The following POLA1 variants were observed in gnomAD, a reference collection of about 807,000 sequenced individuals.
POLA1 encodes the protein DNA polymerase alpha 1, catalytic subunit, also known as DNA polymerase alpha catalytic subunit.
A neutral mutation model predicts 124.0 loss-of-function variants in POLA1; 15 were observed. That is an observed-to-expected ratio of 0.12 (90% CI 0.08 to 0.19). POLA1 has a LOEUF of 0.19. POLA1 is among the 10% of genes least tolerant of loss of function. POLA1 has a pLI of 1.00. For synonymous variants in POLA1, 408 were observed against 389.4 expected, an observed-to-expected ratio of 1.05 and a Z score of -0.56; for missense variants, 886 against 1,103.4, an observed-to-expected ratio of 0.80 and a Z score of 2.79.
intron 30 of POLA1, among the ~76,000 whole-genome samples, chrX:24,816,917 A>G (rs1477886395): frequency 8.9e-6 from 1 of 112,330 alleles, no homozygotes; most frequent in Non-Finnish European, 1.9e-5. Context: ...TTAAGTTTTT[A>G]TTATTGAAAT....
At chrX:24,988,327 T>A (rs936067689) in intron 36 of POLA1, among the ~76,000 whole-genome samples, 11 of 112,525 alleles carry the variant, frequency 9.8e-5, no homozygotes, top group Non-Finnish European at 2.1e-4. Context: ...GGCACTCTAA[T>A]CCGTCAGCCT....
chrX:24,754,479 C>T (rs1000146426), intron 26 of POLA1, among the ~76,000 whole-genome samples: 22 of 111,209 alleles, frequency 2.0e-4, no homozygotes, highest in African/African-American at 6.6e-4. Flanking sequence ...GTCTTGAACT[C>T]CTGACCTCAG....
At chrX:24,948,951 A>G (rs2047999911) in intron 36 of POLA1, among the ~76,000 whole-genome samples, 1 of 112,288 alleles carries the variant, frequency 8.9e-6, no homozygotes. Context: ...GCAAGAAGGA[A>G]TAATATCATT....
intron 11 of POLA1, 35 bp downstream of exon 11, chrX:24,723,302 G>A (rs374180780): frequency 4.7e-5 from 41 of 875,633 alleles, no homozygotes; most frequent in Admixed American, 3.8e-4. Flanking sequence ...GTTCTCAGTC[G>A]TTGTATCTGC....
chrX:24,916,287 C>CTTTTTTTTTTTTTTT (rs1301083848), intron 35 of POLA1, among the ~76,000 whole-genome samples: 4 of 95,162 alleles, frequency 4.2e-5, no homozygotes, highest in African/African-American at 1.6e-4. Flanking sequence ...TTTCTTTTTT[C>CTTTTTTTTTTTTTTT]TTTTTTTTTT....
chrX:24,789,363 A>G (rs1364239093), intron 26 of POLA1, among the ~76,000 whole-genome samples: 1 of 112,070 alleles, frequency 8.9e-6, no homozygotes, highest in Non-Finnish European at 1.9e-5. Flanking sequence ...TGCACTAACA[A>G]TAAACTATCC....
At position 24,862,303 on chromosome X, in the gene POLA1, A is replaced by G. The variant is rs763295248; in HGVS notation, c.4047+18626A>G. Among the ~76,000 whole-genome samples, 139 of 112,027 alleles carry G rather than the reference A, an allele frequency of 1.2e-3. 2 individuals are homozygous for G. The highest frequency in any genetic ancestry group is 4.4e-3 in the African/African-American group (136 of 30,879). On this transcript the variant is annotated intron_variant, in intron 34 of 36. Coordinates refer to ENST00000379068, the MANE Select transcript of POLA1 (RefSeq NM_001330360.2). ...TTTGAAATCTTACAGTGCCTTTCTC[A>G]CTGATTAATATTAGGAAGAGGTCTG...
chrX:24,995,985 G>A lies in POLA1; in HGVS notation c.*35G>A. On this transcript the variant is annotated 3_prime_UTR_variant, in exon 37 of 37. Transcript: ENST00000379068. ...AGGAGTAACCAAGGAGGGGGTAGTT[G>A]AAAAATCCCAGCTTCCTCTGTGCCT... 8.5e-7 allele frequency: 1 copy of A among 1,174,616 alleles called. No individual in the cohort carries two copies. Among genetic ancestry groups the A allele is most frequent in the Non-Finnish European group, 1.2e-6 (1 of 865,870 alleles).
At chrX:24,775,745 CTTGTG>C (rs1039923529) in intron 26 of POLA1, among the ~76,000 whole-genome samples, 5 of 112,070 alleles carry the variant, frequency 4.5e-5, no homozygotes, top group African/African-American at 9.7e-5. Context: ...TGTGTTTACT[CTTGTG>C]TTGTGTTATA....
intron 26 of POLA1, 97 bp downstream of exon 26, chrX:24,749,089 C>A: frequency 1.5e-6 from 1 of 646,132 alleles, no homozygotes; most frequent in Non-Finnish European, 2.5e-6. Flanking sequence ...CCTAGTTGTA[C>A]AGCATCAAAT....
intron 36 of POLA1, among the ~76,000 whole-genome samples, chrX:24,959,117 G>A (rs912506952): frequency 1.5e-4 from 17 of 111,170 alleles, no homozygotes; most frequent in African/African-American, 5.6e-4. Flanking sequence ...TGTCATCCAA[G>A]CCAGAAACAA....
chrX:24,748,787 T>G, intron 25 of POLA1, 83 bp from the exon 26 acceptor site: 1 of 987,418 alleles, frequency 1.0e-6, no homozygotes, highest in Non-Finnish European at 1.4e-6. Context: ...TCCCTTTTTA[T>G]TGGAGATCTA....
At chrX:24,888,687 A>G (rs1601839120) in intron 35 of POLA1, among the ~76,000 whole-genome samples, 1 of 97,542 alleles carries the variant, frequency 1.0e-5, no homozygotes, top group African/African-American at 4.0e-5. Context: ...GCTCACTGCA[A>G]CCTCAGCCTA....
chrX:24,880,765 A>G (rs1249306369), intron 34 of POLA1, among the ~76,000 whole-genome samples: 1 of 112,165 alleles, frequency 8.9e-6, no homozygotes, highest in Non-Finnish European at 1.9e-5. Flanking sequence ...TCTGTGGCAG[A>G]AAAATGTGCC....
At chrX:24,908,011 C>T (rs149399505) in intron 35 of POLA1, among the ~76,000 whole-genome samples, 2,051 of 110,942 alleles carry the variant, frequency 0.018, 18 homozygotes, top group Middle Eastern at 0.033. Context: ...CATTGACATT[C>T]TGAAGTATAG....
At chrX:24,792,846 G>A (rs2148470653) in intron 26 of POLA1, among the ~76,000 whole-genome samples, 1 of 111,605 alleles carries the variant, frequency 9.0e-6, no homozygotes, top group East Asian at 2.8e-4. Flanking sequence ...TCATAAGGTG[G>A]AGGTAGTCTT....
At chrX:24,930,384 G>T (rs1175385717) in intron 35 of POLA1, 69 bp from the exon 36 acceptor site, 11 of 705,672 alleles carry the variant, frequency 1.6e-5, no homozygotes, top group Non-Finnish European at 2.5e-5. Context: ...GATACACTCT[G>T]CTGAGAGTGA....
chrX:24,749,107 C>T (rs1468819485), intron 26 of POLA1, 115 bp downstream of exon 26: 3 of 529,173 alleles, frequency 5.7e-6, no homozygotes, highest in Non-Finnish European at 9.4e-6. Context: ...AATACAGTAC[C>T]CCTCTCTTTG....
At chrX:24,785,850 G>A (rs903496598) in intron 26 of POLA1, among the ~76,000 whole-genome samples, 2 of 111,350 alleles carry the variant, frequency 1.8e-5, no homozygotes, top group African/African-American at 3.3e-5. Flanking sequence ...TTTGGCCAAC[G>A]TCTTCTCATT....
Sources: gnomAD v4.1 joint callset for allele counts (sites outside exome capture counted in the v4.1 genomes callset) on GRCh38, gnomAD v4.1.1 for gene constraint, MANE v1.5 for transcripts, NCBI Gene and HGNC (gene_info 2026-07-23, HGNC 2026-07-21) for gene names.